The following SUPT20H variants were observed in gnomAD, a reference collection of about 807,000 sequenced individuals.
The protein encoded by SUPT20H is transcription factor SPT20 homolog.
A neutral mutation model predicts 122.8 loss-of-function variants in SUPT20H; 82 were observed. The ratio of observed to expected loss-of-function variants is 0.67; its 90% CI spans 0.56 to 0.80. The LOEUF is 0.80. Ranked by LOEUF, SUPT20H falls within the 30% of genes least tolerant of loss-of-function variation. The pLI is 0.00. For synonymous variants in SUPT20H, 291 were observed against 313.0 expected (o/e 0.93, Z 0.74); for missense variants, 831 against 921.6 (o/e 0.90, Z 1.27).
chr13:37,026,943 T>C (rs2062396486), intron 14 of SUPT20H, 127 bp from the exon 15 acceptor site: 3 of 578,650 alleles, frequency 5.2e-6, no homozygotes, highest in Admixed American at 9.0e-5. Context: ...GCAGCTACTC[T>C]GATGCAAAGG....
intron 7 of SUPT20H, among the ~76,000 whole-genome samples, chr13:37,041,328 T>C (rs901692942): frequency 2.6e-5 from 4 of 151,980 alleles, no homozygotes; most frequent in African/African-American, 9.7e-5. Context: ...CCATCCTGGC[T>C]AACATGGTGA....
intron 6 of SUPT20H, 27 bp downstream of exon 6, chr13:37,045,220 T>G (rs1199275106): frequency 6.2e-7 from 1 of 1,607,726 alleles, no homozygotes; most frequent in South Asian, 1.1e-5. Flanking sequence ...AAGTATTTTG[T>G]GGCAGCTGTG....
chr13:37,010,947 G>A (rs2059508818), intron 24 of SUPT20H: 2 of 223,070 alleles, frequency 9.0e-6, no homozygotes, highest in African/African-American at 2.2e-5. Context: ...ATGCTATTTT[G>A]TTTAGAAGAG....
intron 7 of SUPT20H, among the ~76,000 whole-genome samples, chr13:37,041,154 AT>A (rs2065395139): frequency 6.6e-6 from 1 of 152,216 alleles, no homozygotes; most frequent in Admixed American, 6.5e-5. Context: ...CTCTGCTAAA[AT>A]TTTCAGAAAT....
Position 37,010,667 on chromosome 13 carries a change from A to C in SUPT20H, c.2099-12T>G. On this transcript the variant is annotated splice_polypyrimidine_tract_variant and intron_variant, in intron 24 of 25. Coordinates refer to ENST00000350612, the MANE Select transcript of SUPT20H (RefSeq NM_001014286.3). ...AAGCTGAGACAACACTACAGAGAGG[A>C]GAAGGGGAAAGCAGGCCAGTCAAAA... 4 of 1,609,120 alleles carry C rather than the reference A, an allele frequency of 2.5e-6. No individual in the cohort carries two copies. The highest frequency in any genetic ancestry group is 3.4e-6 in the Non-Finnish European group (4 of 1,176,118).
Position 37,017,274 on chromosome 13 carries a change from T to G in SUPT20H, c.1963A>C (p.Thr655Pro). The change falls in exon 23 of 26, where the codon ACT becomes CCT. Residue 655 changes from threonine to proline, a missense_variant. Thr to Pro is a conservative substitution (Grantham distance 38). Coordinates refer to ENST00000350612, the MANE Select transcript of SUPT20H (RefSeq NM_001014286.3). ...FTPQQPQQPT[T>P]CSPQQPGEQG... Reference sequence around the variant, plus strand: ...TCCCCTGGCTGTTGAGGACTACAAGTTGTGGGCTGCTGAGGTTGTTGTGGT... The same window carrying G: ...TCCCCTGGCTGTTGAGGACTACAAGGTGTGGGCTGCTGAGGTTGTTGTGGT... 1.2e-6 allele frequency: 2 copies of G among 1,614,048 alleles called. No homozygotes were observed. Among genetic ancestry groups the G allele is most frequent in the Non-Finnish European group, 1.7e-6 (2 of 1,179,982 alleles).
chr13:37,056,566 G>A (rs926098653), intron 1 of SUPT20H, among the ~76,000 whole-genome samples: 2 of 151,972 alleles, frequency 1.3e-5, no homozygotes, highest in Non-Finnish European at 2.9e-5. Flanking sequence ...ATTGAGCAAT[G>A]AGAACTCATG....
chr13:37,020,737 T>C (rs2061354534), intron 21 of SUPT20H, among the ~76,000 whole-genome samples: 1 of 152,212 alleles, frequency 6.6e-6, no homozygotes, highest in African/African-American at 2.4e-5. Context: ...TTTTTCTAGA[T>C]TGTTTTTCCT....
chr13:37,053,808 C>CA (rs1455105459), intron 1 of SUPT20H, among the ~76,000 whole-genome samples: 7 of 151,908 alleles, frequency 4.6e-5, no homozygotes, highest in South Asian at 2.1e-4. Context: ...AAGATTCATT[C>CA]AAAAACTCAA....
rs768205505 is a variant in SUPT20H at position 37,025,405 on chromosome 13, T to C, written c.1244A>G (p.Asn415Ser). 6.2e-7 allele frequency: 1 copy of C among 1,613,892 alleles called. No homozygotes were observed. Among genetic ancestry groups the C allele is most frequent in the South Asian group, 1.1e-5 (1 of 91,090 alleles). The change falls in exon 17 of 26, where the codon AAT becomes AGT. Residue 415 changes from asparagine (N) to serine (S), a missense_variant. Transcript: ENST00000350612. ...VVNQYQELVQ[N>S]EAKCPVKMSH... ...CATCTTGACCGGACATTTGGCTTCA[T>C]TCTGGACTAATTCTTGGTACTGATT... is the stretch of plus-strand genomic sequence containing the variant.
chr13:37,017,511 G>T, intron 22 of SUPT20H, 147 bp from the exon 23 acceptor site: 1 of 870,082 alleles, frequency 1.1e-6, no homozygotes, highest in Non-Finnish European at 1.7e-6. Context: ...CAAGTTGGCT[G>T]CCCTTAAAAA....
At chr13:37,011,878 G>A (rs930577775) in intron 24 of SUPT20H, among the ~76,000 whole-genome samples, 3 of 152,062 alleles carry the variant, frequency 2.0e-5, no homozygotes, top group African/African-American at 7.2e-5. Context: ...AAACAAAAAA[G>A]TTATTAATTA....
chr13:37,048,655 A>T (rs1471371286), intron 2 of SUPT20H, 56 bp from the exon 3 acceptor site: 1 of 1,470,264 alleles, frequency 6.8e-7, no homozygotes, highest in Non-Finnish European at 9.3e-7. Flanking sequence ...AAAAAAATTT[A>T]ATATACATTT....
intron 1 of SUPT20H, among the ~76,000 whole-genome samples, chr13:37,052,129 GC>G (rs1006761986): frequency 6.6e-6 from 1 of 152,138 alleles, no homozygotes; most frequent in African/African-American, 2.4e-5. Flanking sequence ...TAGATTCAAT[GC>G]TATTACCATC....
chr13:37,049,006 G>A lies in SUPT20H; in HGVS notation c.4-407C>T, dbSNP rs188614363. On this transcript the variant is annotated intron_variant, in intron 2 of 25. Transcript: ENST00000350612. ...TAAAAATCTTGAAAATTGAGAGTGCGGTTGTACTGGCACTTAACATTAACT... is the reference window on the plus strand; with the variant it reads ...TAAAAATCTTGAAAATTGAGAGTGCAGTTGTACTGGCACTTAACATTAACT... 1.2e-4 allele frequency among the ~76,000 whole-genome samples: 19 copies of A among 152,036 alleles called. No individual in the cohort carries two copies. The East Asian group carries it at 3.1e-3, about 25-fold the overall frequency.
chr13:37,050,112 T>C (rs1000040621), intron 2 of SUPT20H, among the ~76,000 whole-genome samples: 3 of 152,172 alleles, frequency 2.0e-5, no homozygotes, highest in Non-Finnish European at 4.4e-5. Context: ...CTTCTTGCAC[T>C]GTTCAATAAA....
rs761677951 is a variant in SUPT20H at position 37,047,909 on chromosome 13, G to T, written c.67C>A (p.Pro23Thr). The T allele has an allele frequency of 2.5e-6, 4 of 1,605,904 alleles. No homozygotes were observed. Among genetic ancestry groups the T allele is most frequent in the South Asian group, 1.1e-5 (1 of 89,652 alleles). ...CTTGATAGGTATTTCCTTTTAGGAG[G>T]TCTCTGTCGGGCACTTTCAATGACA... ...EYVIESARQR[P>T]PKRKYLSSGR... The change falls in exon 4 of 26, where the codon CCT (proline) becomes ACT (threonine). Residue 23 changes from proline to threonine, a missense_variant. Transcript: ENST00000350612.
intron 12 of SUPT20H, 56 bp downstream of exon 12, chr13:37,031,511 G>A (rs1451026412): frequency 4.1e-6 from 5 of 1,216,820 alleles, no homozygotes; most frequent in Non-Finnish European, 5.6e-6. Context: ...ATAAGCAACC[G>A]AATAGTAAAA....
Position 37,047,938 on chromosome 13 carries a change from T to C in SUPT20H, c.40-2A>G. 5 of 1,600,868 alleles carry C rather than the reference T, an allele frequency of 3.1e-6. No homozygotes were observed. The highest frequency in any genetic ancestry group is 3.4e-6 in the Non-Finnish European group (4 of 1,173,610). On this transcript the variant is annotated splice_acceptor_variant, in intron 3 of 25. Transcript: ENST00000350612. LOFTEE classifies it high-confidence loss of function. ...CTGTCGGGCACTTTCAATGACATAC[T>C]AAAAAACAAAAGTTTATGAGAACAG...
Sources: gnomAD v4.1 joint callset for allele counts (sites outside exome capture counted in the v4.1 genomes callset) on GRCh38, gnomAD v4.1.1 for gene constraint, MANE v1.5 for transcripts, NCBI Gene and HGNC (gene_info 2026-07-23, HGNC 2026-07-21) for gene names.